The following WDFY4 variants were observed in gnomAD, a reference collection of about 807,000 sequenced individuals.
WDFY4 encodes the protein WDFY family member 4.
WDFY4 carries 169 observed loss-of-function variants against 351.9 expected under a neutral mutation model. That is an observed-to-expected ratio of 0.48 (90% CI 0.42 to 0.55). The LOEUF (loss-of-function observed/expected upper bound fraction) is 0.55. Ranked by LOEUF, WDFY4 falls within the 20% of genes least tolerant of loss-of-function variation. The pLI is 0.00. For synonymous variants in WDFY4, 1,622 were observed against 1,574.6 expected, an observed-to-expected ratio of 1.03 and a Z score of -0.71; for missense variants, 3,803 against 3,935.6, an observed-to-expected ratio of 0.97 and a Z score of 0.90.
intron 1 of WDFY4, among the ~76,000 whole-genome samples, chr10:48,698,165 C>T (rs1190682783): frequency 1.3e-5 from 2 of 152,314 alleles, no homozygotes; most frequent in African/African-American, 4.8e-5. Flanking sequence ...TGTGGAGAGT[C>T]ACTTCTGAGA....
At chr10:48,754,279 T>C (rs1272541159) in intron 12 of WDFY4, among the ~76,000 whole-genome samples, 1 of 150,666 alleles carries the variant, frequency 6.6e-6, no homozygotes, top group Admixed American at 6.7e-5. Flanking sequence ...AGTATCAGAG[T>C]AAAAATACAG....
At chr10:48,840,339 A>G (rs2068553983) in intron 39 of WDFY4, among the ~76,000 whole-genome samples, 1 of 151,668 alleles carries the variant, frequency 6.6e-6, no homozygotes, top group South Asian at 2.1e-4. Flanking sequence ...GAGGGGCTCC[A>G]TTATCCTTTT....
intron 47 of WDFY4, among the ~76,000 whole-genome samples, chr10:48,914,692 G>T (rs1429706201): frequency 6.6e-6 from 1 of 152,136 alleles, no homozygotes; most frequent in African/African-American, 2.4e-5. Context: ...GAATAAGGTG[G>T]GTACTAAGAC....
intron 12 of WDFY4, chr10:48,746,248 G>T (rs1043827069): frequency 3.3e-5 from 5 of 152,222 alleles, no homozygotes; most frequent in Non-Finnish European, 5.9e-5. Flanking sequence ...TATATTTGAG[G>T]TTGTAAGAAT....
rs1255525470 is a variant in WDFY4, at chr10:48,721,260, G to C, written c.350-1G>C. ...GCCCTGCTGGTGACACTTTCTTCCA[G>C]AGCAAGCTCGGTTGGCAGCTGGACA... On this transcript the variant is annotated splice_acceptor_variant, in intron 3 of 61. Coordinates refer to ENST00000325239, the MANE Select transcript of WDFY4 (RefSeq NM_001394531.1). LOFTEE classifies it high-confidence loss of function. 2 of 1,551,644 alleles carry C rather than the reference G, an allele frequency of 1.3e-6. No individual in the cohort carries two copies. Among genetic ancestry groups the C allele is most frequent in the Non-Finnish European group, 8.7e-7 (1 of 1,146,948 alleles).
At chr10:48,925,557 G>A (rs1839501497) in intron 47 of WDFY4, among the ~76,000 whole-genome samples, 2 of 152,172 alleles carry the variant, frequency 1.3e-5, no homozygotes, top group South Asian at 4.1e-4. Context: ...AACATAAAGT[G>A]TTTTCATTTT....
At chr10:48,933,472 C>T (rs760503731) in intron 47 of WDFY4, among the ~76,000 whole-genome samples, 12 of 152,312 alleles carry the variant, frequency 7.9e-5, no homozygotes, top group African/African-American at 2.6e-4. Context: ...CTCTCTTGGC[C>T]GCCAGTGGCT....
At chr10:48,887,722 T>A (rs1035097486) in intron 43 of WDFY4, among the ~76,000 whole-genome samples, 2 of 150,236 alleles carry the variant, frequency 1.3e-5, no homozygotes, top group African/African-American at 4.9e-5. Flanking sequence ...GAGCTTGCAG[T>A]GAGTGGAGAT....
chr10:48,863,441 G>A (rs2069415456), intron 39 of WDFY4, among the ~76,000 whole-genome samples: 2 of 152,090 alleles, frequency 1.3e-5, no homozygotes, highest in South Asian at 4.1e-4. Flanking sequence ...GCATTTCTCT[G>A]ATGACAAATG....
At chr10:48,973,279 G>T (rs1379366835) in intron 57 of WDFY4, among the ~76,000 whole-genome samples, 3 of 152,164 alleles carry the variant, frequency 2.0e-5, no homozygotes, top group Non-Finnish European at 4.4e-5. Context: ...GATTCAGAAG[G>T]TTCCTGTCAA....
At chr10:48,747,615 C>G (rs2065053956) in intron 12 of WDFY4, among the ~76,000 whole-genome samples, 1 of 152,182 alleles carries the variant, frequency 6.6e-6, no homozygotes, top group African/African-American at 2.4e-5. Context: ...CTAGCTGTGT[C>G]TAATCTGATA....
At position 48,743,152 on chromosome 10, in the gene WDFY4, T is replaced by C; in HGVS notation, c.2063T>C (p.Val688Ala). The C allele has an allele frequency of 1.9e-6, 3 of 1,551,724 alleles. No individual in the cohort carries two copies. Among genetic ancestry groups the C allele is most frequent in the Non-Finnish European group, 2.6e-6 (3 of 1,146,994 alleles). ...CTGGTTTTGTACACTCTCTGTGCTGTGTCCGCAGCGCTGCACTGGGACCCT... is the reference window on the plus strand; with the variant it reads ...CTGGTTTTGTACACTCTCTGTGCTGCGTCCGCAGCGCTGCACTGGGACCCT... Reference protein sequence around the residue: ...LELVLYTLCAVSAALHWDPVN... With the variant: ...LELVLYTLCAASAALHWDPVN... Residue 688 changes from valine (V) to alanine (A), a missense_variant, in exon 12 of 62, where the codon GTG (valine) becomes GCG (alanine). By Grantham distance (64) the Val-to-Ala change is moderately conservative (BLOSUM62 0). Coordinates refer to ENST00000325239, the MANE Select transcript of WDFY4 (RefSeq NM_001394531.1).
At chr10:48,926,439 G>T (rs10857660) in intron 47 of WDFY4, among the ~76,000 whole-genome samples, 1 of 152,150 alleles carries the variant, frequency 6.6e-6, no homozygotes, top group South Asian at 2.1e-4. Context: ...AGGATGGTGT[G>T]CACTCTGGCT....
chr10:48,933,865 G>A (rs992854402), intron 47 of WDFY4, among the ~76,000 whole-genome samples: 3 of 152,144 alleles, frequency 2.0e-5, no homozygotes, highest in African/African-American at 7.2e-5. Context: ...TGATAGGAAG[G>A]GAGAAAGGGC....
chr10:48,867,310 C>A lies in WDFY4; in HGVS notation c.6709C>A (p.Leu2237Ile). 6.6e-7 allele frequency: 1 copy of A among 1,504,228 alleles called. No individual in the cohort carries two copies. The highest frequency in any genetic ancestry group is 1.3e-5 in the South Asian group (1 of 75,224). 93.2% of individuals were successfully genotyped at this position (1,504,228 alleles called of 1,614,324 possible). ...GAACTACAGAAGAAGAGGACAAGAG[C>A]TATATGCATCTTTATACAAAGACCA... is the stretch of plus-strand genomic sequence containing the variant. ...IENYRRRGQE[L>I]YASLYKDHVQ... The change falls in exon 40 of 62, where the codon CTA becomes ATA. Residue 2237 changes from leucine (L) to isoleucine (I), a missense_variant. This residue lies in a region of WDFY4 where 3,054 missense variants were observed against 3,148.6 expected (regional missense o/e 0.97). Coordinates refer to ENST00000325239, the MANE Select transcript of WDFY4 (RefSeq NM_001394531.1).
intron 11 of WDFY4, among the ~76,000 whole-genome samples, chr10:48,736,655 A>C (rs945791021): frequency 2.0e-5 from 3 of 152,228 alleles, no homozygotes; most frequent in Non-Finnish European, 4.4e-5. Context: ...ATTGTGATAC[A>C]ACCCTTGCCC....
intron 18 of WDFY4, 77 bp downstream of exon 18, chr10:48,778,909 G>A: frequency 6.8e-7 from 1 of 1,477,754 alleles, no homozygotes. Context: ...CTCAACACAG[G>A]TGTGGTTAGA....
chr10:48,954,181 G>A (rs1383092851), intron 51 of WDFY4, among the ~76,000 whole-genome samples: 1 of 152,164 alleles, frequency 6.6e-6, no homozygotes, highest in Non-Finnish European at 1.5e-5. Context: ...TATTCAAAAT[G>A]TTCCCACATC....
chr10:48,813,372 A>T lies in WDFY4; in HGVS notation c.5215-585A>T, dbSNP rs2067521865. Among the ~76,000 whole-genome samples, 3 of 152,238 alleles carry T rather than the reference A, an allele frequency of 2.0e-5. No individual in the cohort carries two copies. In the South Asian group the frequency reaches 6.2e-4, roughly 31 times the overall value. On this transcript the variant is annotated intron_variant, in intron 30 of 61. Coordinates refer to ENST00000325239, the MANE Select transcript of WDFY4 (RefSeq NM_001394531.1). ...TACCCTGAGTTTTTATTTCTCTAAC[A>T]TATCTCAGGAAACAGATGTCTGCTA... is the stretch of plus-strand genomic sequence containing the variant.
Sources: gnomAD v4.1 joint callset for allele counts (sites outside exome capture counted in the v4.1 genomes callset) on GRCh38, gnomAD v4.1.1 for gene constraint, gnomAD v4.1.1 regional missense constraint, MANE v1.5 for transcripts, NCBI Gene and HGNC (gene_info 2026-07-23, HGNC 2026-07-21) for gene names.